The following ATP8B4 variants were observed in gnomAD, a reference collection of about 807,000 sequenced individuals.
ATP8B4 encodes probable phospholipid-transporting ATPase IM.
ATP8B4 carries 133 observed loss-of-function variants against 145.6 expected under a neutral mutation model. The ratio of observed to expected loss-of-function variants is 0.91; its 90% CI spans 0.79 to 1.05. ATP8B4 has a LOEUF of 1.05. Ranked by LOEUF, ATP8B4 falls within the 50% of genes least tolerant of loss-of-function variation. The pLI is 0.00. For synonymous variants in ATP8B4, 507 were observed against 492.9 expected, an observed-to-expected ratio of 1.03 and a Z score of -0.38; for missense variants, 1,458 against 1,425.2, an observed-to-expected ratio of 1.02 and a Z score of -0.37.
At chr15:50,175,485 C>A (rs894885039) in intron 1 of ATP8B4, among the ~76,000 whole-genome samples, 10 of 151,966 alleles carry the variant, frequency 6.6e-5, no homozygotes, top group Admixed American at 2.0e-4. Context: ...AACTAACCAA[C>A]GAATCTAATC....
intron 13 of ATP8B4, among the ~76,000 whole-genome samples, chr15:49,970,624 G>A (rs866980586): frequency 1.3e-5 from 2 of 152,090 alleles, no homozygotes; most frequent in Non-Finnish European, 2.9e-5. Context: ...CATGAGAGAG[G>A]ACACAAACAA....
In ATP8B4 at chr15:49,930,970, G is replaced by A; in HGVS notation, c.1642+149C>T. 3 of 799,090 alleles carry A rather than the reference G, an allele frequency of 3.8e-6. No individual in the cohort carries two copies. The South Asian group carries it at 6.1e-5, about 16-fold the overall frequency. 49.5% of individuals were successfully genotyped at this position (799,090 alleles called of 1,614,324 possible). ...GTTAGTTATATATCACTGCAGTATT[G>A]AGGCTAGGTTGAGCAACACAAGAGT... On this transcript the variant is annotated intron_variant, in intron 16 of 27. Transcript: ENST00000284509.
chr15:50,053,658 C>A (rs532978424), intron 3 of ATP8B4, among the ~76,000 whole-genome samples: 1 of 152,064 alleles, frequency 6.6e-6, no homozygotes, highest in Non-Finnish European at 1.5e-5. Flanking sequence ...CTTACTTTAG[C>A]TTTCAACAGA....
intron 9 of ATP8B4, among the ~76,000 whole-genome samples, chr15:49,994,779 G>A (rs1306967229): frequency 6.6e-6 from 1 of 151,952 alleles, no homozygotes; most frequent in Non-Finnish European, 1.5e-5. Flanking sequence ...AACTTACATG[G>A]CCACGATTCT....
intron 1 of ATP8B4, among the ~76,000 whole-genome samples, chr15:50,115,244 GA>G (rs2153674485): frequency 6.6e-6 from 1 of 152,220 alleles, no homozygotes; most frequent in Admixed American, 6.5e-5. Context: ...GCTAAAGTGG[GA>G]GGACCACTTG....
At chr15:49,976,023 A>G (rs960203485) in intron 12 of ATP8B4, among the ~76,000 whole-genome samples, 1 of 152,166 alleles carries the variant, frequency 6.6e-6, no homozygotes, top group Admixed American at 6.6e-5. Context: ...TTCTGGTTAT[A>G]AATTATATGC....
chr15:50,086,629 G>A (rs2055118714), intron 2 of ATP8B4, among the ~76,000 whole-genome samples: 2 of 109,082 alleles, frequency 1.8e-5, no homozygotes, highest in African/African-American at 4.0e-5. Flanking sequence ...AAATAATAGA[G>A]ATCTATATTT....
At chr15:50,054,339 T>C (rs1442418581) in intron 3 of ATP8B4, among the ~76,000 whole-genome samples, 1 of 152,152 alleles carries the variant, frequency 6.6e-6, no homozygotes, top group Non-Finnish European at 1.5e-5. Context: ...TCAACCCAAA[T>C]GCTCACAACT....
intron 14 of ATP8B4, among the ~76,000 whole-genome samples, chr15:49,950,396 A>G (rs2042956790): frequency 1.3e-5 from 2 of 152,012 alleles, no homozygotes; most frequent in South Asian, 4.2e-4. Context: ...GATAAGGTGT[A>G]TGCATCCAGG....
At chr15:50,134,608 T>A (rs578236666) in intron 1 of ATP8B4, among the ~76,000 whole-genome samples, 3 of 152,344 alleles carry the variant, frequency 2.0e-5, no homozygotes, top group East Asian at 3.9e-4. Context: ...AAAAAACATA[T>A]GTTAGGGTTA....
In ATP8B4 at chr15:49,926,477, T is replaced by C. The variant is rs777065757; in HGVS notation, c.1643-2983A>G. Among the ~76,000 whole-genome samples, 3 of 152,142 alleles carry C rather than the reference T, an allele frequency of 2.0e-5. No homozygotes were observed. The South Asian group carries it at 6.2e-4, about 31-fold the overall frequency. ...TACTGCTTCCTTCCAGACTCTTCTG[T>C]ATATTCCAGTTACAGTCATCTTCAT... On this transcript the variant is annotated intron_variant, in intron 16 of 27. Coordinates refer to ENST00000284509, the MANE Select transcript of ATP8B4 (RefSeq NM_024837.4).
chr15:50,088,477 C>T (rs2055371710), intron 2 of ATP8B4, among the ~76,000 whole-genome samples: 1 of 152,182 alleles, frequency 6.6e-6, no homozygotes, highest in Non-Finnish European at 1.5e-5. Context: ...ATTCTCATCT[C>T]ATGGCCTTTG....
At chr15:50,027,192 C>T (rs1181744428) in intron 6 of ATP8B4, among the ~76,000 whole-genome samples, 1 of 152,206 alleles carries the variant, frequency 6.6e-6, no homozygotes, top group Non-Finnish European at 1.5e-5. Context: ...GCACCCAGTG[C>T]ACCTGGAGCA....
chr15:49,951,270 T>C (rs1478452504), intron 14 of ATP8B4, among the ~76,000 whole-genome samples: 2 of 152,194 alleles, frequency 1.3e-5, no homozygotes, highest in Admixed American at 1.3e-4. Context: ...TGCAGTCTCA[T>C]TGATGTGTCT....
chr15:49,934,751 A>G (rs2041591737), intron 14 of ATP8B4, among the ~76,000 whole-genome samples: 1 of 152,098 alleles, frequency 6.6e-6, no homozygotes, highest in Non-Finnish European at 1.5e-5. Flanking sequence ...ATTTCTAAAT[A>G]TATCTGGCTC....
intron 1 of ATP8B4, among the ~76,000 whole-genome samples, chr15:50,161,668 C>T (rs1055557970): frequency 6.6e-6 from 1 of 151,566 alleles, no homozygotes; most frequent in African/African-American, 2.4e-5. Context: ...TAACTATATC[C>T]CCCACTTTTT....
intron 1 of ATP8B4, among the ~76,000 whole-genome samples, chr15:50,136,665 T>C (rs2044127239): frequency 6.6e-6 from 1 of 152,232 alleles, no homozygotes; most frequent in South Asian, 2.1e-4. Flanking sequence ...TGTGATGTGG[T>C]ACTGAGAACA....
At chr15:49,948,382 G>T (rs2042766188) in intron 14 of ATP8B4, among the ~76,000 whole-genome samples, 1 of 152,072 alleles carries the variant, frequency 6.6e-6, no homozygotes, top group Non-Finnish European at 1.5e-5. Context: ...CTGGCAGATG[G>T]AGGTTGCAGT....
intron 8 of ATP8B4, among the ~76,000 whole-genome samples, chr15:49,997,036 C>T (rs2047488607): frequency 6.6e-6 from 1 of 152,110 alleles, no homozygotes; most frequent in African/African-American, 2.4e-5. Context: ...AATATGGTTT[C>T]ATTTGAACCT....
Sources: allele counts gnomAD v4.1 joint callset (sites outside exome capture counted in the v4.1 genomes callset), GRCh38; gene constraint gnomAD v4.1.1; transcripts MANE v1.5; gene names NCBI Gene and HGNC (gene_info 2026-07-23, HGNC 2026-07-21).